The following HEATR3 variants were observed in gnomAD, a reference collection of about 807,000 sequenced individuals.
HEATR3 encodes HEAT repeat-containing protein 3.
HEATR3 carries 56 observed loss-of-function variants against 72.8 expected under a neutral mutation model. The observed-to-expected ratio is 0.77, with a 90% CI of 0.62 to 0.96. The LOEUF is 0.96. Ranked by LOEUF, HEATR3 falls within the 40% of genes least tolerant of loss-of-function variation. The probability of loss-of-function intolerance (pLI) is 0.00; values close to 1 mark genes in which losing one functional copy is unlikely to be tolerated. For synonymous variants in HEATR3, 331 were observed against 318.1 expected, an observed-to-expected ratio of 1.04 and a Z score of -0.43; for missense variants, 747 against 831.4, an observed-to-expected ratio of 0.90 and a Z score of 1.25.
chr16:50,068,989 TTCC>T, intron 3 of HEATR3, 122 bp downstream of exon 3: 1 of 680,188 alleles, frequency 1.5e-6, no homozygotes, highest in Non-Finnish European at 2.6e-6. Context: ...TTCATTCCTT[TTCC>T]TGGAAACACC....
intron 12 of HEATR3, among the ~76,000 whole-genome samples, chr16:50,099,367 G>T (rs544569138): frequency 6.6e-5 from 10 of 152,300 alleles, no homozygotes; most frequent in African/African-American, 2.2e-4. Context: ...CACTTTGGGA[G>T]CCTGAGGCGG....
At chr16:50,082,811 C>G in intron 7 of HEATR3, among the ~76,000 whole-genome samples, 1 of 141,508 alleles carries the variant, frequency 7.1e-6, no homozygotes, top group South Asian at 2.2e-4. Context: ...TTCTTTTTTT[C>G]TTTTTTTTTG....
intron 7 of HEATR3, among the ~76,000 whole-genome samples, chr16:50,080,868 T>A (rs937206913): frequency 1.3e-5 from 2 of 152,124 alleles, no homozygotes; most frequent in Admixed American, 6.5e-5. Context: ...TTTCTGTTGA[T>A]CCTATCTGAT....
rs1597189099 is a variant in HEATR3, at chr16:50,105,904, G to A, written c.*843G>A. ...TTTTTTAAGTGATGAGATCTGTGTG[G>A]CATTTCTAGCGCTCTCTAAATTATG... is the stretch of plus-strand genomic sequence containing the variant. On this transcript the variant is annotated 3_prime_UTR_variant, in exon 15 of 15. Coordinates refer to ENST00000299192, the MANE Select transcript of HEATR3 (RefSeq NM_182922.4). The A allele has an allele frequency of 6.6e-6, 1 of 152,048 alleles. No individual in the cohort carries two copies. The highest frequency in any genetic ancestry group is 1.5e-5 in the Non-Finnish European group (1 of 68,012). The allele number at this position is 152,048 out of a possible 1,614,324, so 9.4% of individuals were successfully genotyped here.
In HEATR3 at chr16:50,100,272, A is replaced by G. The variant is rs2037337898; in HGVS notation, c.1642A>G (p.Ile548Val). 6.2e-7 allele frequency: 1 copy of G among 1,614,052 alleles called. No homozygotes were observed. The highest frequency in any genetic ancestry group is 8.5e-7 in the Non-Finnish European group (1 of 1,179,924). ...DQLMTLCKAGIHSSNVGVRVN... is the reference protein window; with the variant it reads ...DQLMTLCKAGVHSSNVGVRVN... The stretch of plus-strand genomic sequence containing the variant: ...GCTGATGACATTATGCAAAGCAGGC[A>G]TTCATAGTAGTAATGTCGGGGTTAG... Residue 548 changes from isoleucine to valine, a missense_variant, in exon 13 of 15, where the codon ATT becomes GTT. By Grantham distance (29) the Ile-to-Val change is conservative. Transcript: ENST00000299192.
chr16:50,089,516 C>T (rs928887808), intron 11 of HEATR3, among the ~76,000 whole-genome samples: 4 of 152,100 alleles, frequency 2.6e-5, no homozygotes, highest in African/African-American at 7.2e-5. Flanking sequence ...CCATCTGTGG[C>T]CTTCGTATCA....
rs562709419 is a variant in HEATR3 at position 50,077,285 on chromosome 16, C to T, written c.764-1456C>T. Among the ~76,000 whole-genome samples, 119 of 151,960 alleles carry T rather than the reference C, an allele frequency of 7.8e-4. 1 individual carries two copies. Among genetic ancestry groups the T allele is most frequent in the Non-Finnish European group, 1.2e-3 (85 of 68,016 alleles). On this transcript the variant is annotated intron_variant, in intron 6 of 14. Coordinates refer to ENST00000299192, the MANE Select transcript of HEATR3 (RefSeq NM_182922.4). The stretch of plus-strand genomic sequence containing the variant: ...TCTCGACCTCCCTGTGCTGGGATTA[C>T]AGGCGTGAGCCACAGTCCCCAGCCA...
chr16:50,098,708 G>C (rs1406446974), intron 12 of HEATR3, among the ~76,000 whole-genome samples: 1 of 151,414 alleles, frequency 6.6e-6, no homozygotes, highest in Non-Finnish European at 1.5e-5. Context: ...AGAAAAGAAA[G>C]AAAAATATTT....
intron 11 of HEATR3, 21 bp from the exon 12 acceptor site, chr16:50,094,684 T>G (rs749645530): frequency 7.0e-7 from 1 of 1,435,790 alleles, no homozygotes; most frequent in Admixed American, 2.3e-5. Flanking sequence ...GCAAATTTTA[T>G]ATTTCATTTT....
intron 5 of HEATR3, chr16:50,072,915 T>G (rs903873469): frequency 9.9e-6 from 5 of 505,554 alleles, no homozygotes; most frequent in African/African-American, 9.8e-5. Flanking sequence ...TTTCTGCTTT[T>G]GACTCTGAAA....
intron 2 of HEATR3, among the ~76,000 whole-genome samples, chr16:50,068,405 G>A (rs1368578010): frequency 6.6e-6 from 1 of 152,150 alleles, no homozygotes; most frequent in Non-Finnish European, 1.5e-5. Context: ...CTCTCAAAGT[G>A]CTGGGATTAC....
intron 11 of HEATR3, among the ~76,000 whole-genome samples, chr16:50,087,090 C>G (rs1567438487): frequency 6.6e-6 from 1 of 152,176 alleles, no homozygotes; most frequent in Non-Finnish European, 1.5e-5. Flanking sequence ...GTTCCTCTCC[C>G]AGAGTCAAGT....
chr16:50,091,076 GAAGATTGCAGTGAGCC>G (rs1170402826), intron 11 of HEATR3, among the ~76,000 whole-genome samples: 1 of 151,788 alleles, frequency 6.6e-6, no homozygotes, highest in East Asian at 1.9e-4. Context: ...CCTGGGCGGT[GAAGATTGCAGTGAGCC>G]AAGATTGCAC....
chr16:50,067,645 A>G (rs1362791442), intron 2 of HEATR3, among the ~76,000 whole-genome samples: 3 of 152,174 alleles, frequency 2.0e-5, no homozygotes, highest in African/African-American at 4.8e-5. Flanking sequence ...ACATGCTGCA[A>G]CACATTTTGT....
intron 7 of HEATR3, among the ~76,000 whole-genome samples, chr16:50,081,450 A>G (rs2036863985): frequency 6.6e-6 from 1 of 152,200 alleles, no homozygotes; most frequent in Admixed American, 6.5e-5. Flanking sequence ...GTTTCAGAAA[A>G]ATAAAACTAA....
At chr16:50,086,514 A>G (rs1346143808) in intron 11 of HEATR3, among the ~76,000 whole-genome samples, 163 bp downstream of exon 11, 1 of 152,194 alleles carries the variant, frequency 6.6e-6, no homozygotes, top group African/African-American at 2.4e-5. Context: ...CAGAGTCAAA[A>G]CGAGGTATGC....
rs757687859 is a variant in HEATR3 at position 50,102,436 on chromosome 16, G to T, written c.1920+1G>T. 1.9e-6 allele frequency: 3 copies of T among 1,612,950 alleles called. No individual in the cohort carries two copies. Among genetic ancestry groups the T allele is most frequent in the Non-Finnish European group, 2.5e-6 (3 of 1,179,644 alleles). ...ATTCCAGCCGGTCTTTAAAATGAAG[G>T]TTTGTAGCCATTTAACTTATAAATA... On this transcript the variant is annotated splice_donor_variant, in intron 14 of 14. Coordinates refer to ENST00000299192, the MANE Select transcript of HEATR3 (RefSeq NM_182922.4). LOFTEE classifies it high-confidence loss of function.
At chr16:50,089,518 T>C (rs1022220314) in intron 11 of HEATR3, among the ~76,000 whole-genome samples, 3 of 152,332 alleles carry the variant, frequency 2.0e-5, no homozygotes, top group African/African-American at 7.2e-5. Flanking sequence ...ATCTGTGGCC[T>C]TCGTATCACC....
At chr16:50,089,217 C>CT (rs530458656) in intron 11 of HEATR3, among the ~76,000 whole-genome samples, 71 of 146,918 alleles carry the variant, frequency 4.8e-4, no homozygotes, top group East Asian at 1.4e-3. Flanking sequence ...TTGACATCAT[C>CT]TTTTTTTTTT....
Sources: gnomAD v4.1 joint callset for allele counts (sites outside exome capture counted in the v4.1 genomes callset) on GRCh38, gnomAD v4.1.1 for gene constraint, MANE v1.5 for transcripts, NCBI Gene and HGNC (gene_info 2026-07-23, HGNC 2026-07-21) for gene names.